CPD: variants seen among roughly 807,000 people sequenced by gnomAD.
CPD encodes carboxypeptidase D.
CPD carries 69 observed loss-of-function variants against 138.3 expected under a neutral mutation model. The observed-to-expected ratio is 0.50, with a 90% confidence interval of 0.41 to 0.61. The LOEUF is 0.61. Ranked by LOEUF, CPD falls within the 20% of genes least tolerant of loss-of-function variation. CPD has a pLI of 0.00. For synonymous variants in CPD, 651 were observed against 642.1 expected (o/e 1.01, Z -0.21); for missense variants, 1,432 against 1,733.3 (o/e 0.83, Z 3.09).
chr17:30,404,334 T>TTA (rs1911750753), intron 2 of CPD, among the ~76,000 whole-genome samples: 1 of 152,198 alleles, frequency 6.6e-6, no homozygotes, highest in Non-Finnish European at 1.5e-5. Flanking sequence ...TAAGAACCTC[T>TTA]GTATGCTTCA....
Position 30,379,470 on chromosome 17 carries a change from G to A in CPD, c.490G>A (p.Asp164Asn). The A allele has an allele frequency of 6.4e-7, 1 of 1,573,722 alleles. No homozygotes were observed. The highest frequency in any genetic ancestry group is 1.1e-5 in the South Asian group (1 of 87,814). The part of the protein sequence containing the change: ...RELAAGYRRG[D>N]PRLVRLLNTT... ...GCTGGCGGCCGGCTACCGCCGCGGG[G>A]ACCCGCGCCTGGTCCGCCTGCTCAA... Residue 164 changes from aspartate to asparagine, a missense_variant, in exon 1 of 21, where the codon GAC becomes AAC. By Grantham distance (23) the Asp-to-Asn change is conservative. Around this residue, in one of 6 missense-constraint regions of CPD, gnomAD observed 484 missense variants for 477.2 expected, o/e 1.01. Transcript: ENST00000225719. This position sits in a 1 kb window ranked among gnomAD's most constrained non-coding sequence, Gnocchi z 7.0.
chr17:30,413,011 G>A (rs565083282), intron 2 of CPD, among the ~76,000 whole-genome samples: 120 of 152,180 alleles, frequency 7.9e-4, no homozygotes, highest in Non-Finnish European at 1.4e-3. Flanking sequence ...GTTCCTATTC[G>A]GCCATCTTGG....
In CPD at chr17:30,464,801, C is replaced by T. The variant is rs1208833468; in HGVS notation, c.4130C>T (p.Ser1377Phe). Reference sequence around the variant, plus strand: ...GACACTGAAGAGGAAACATTATATTCTAGCAAACATTGAAAAACACATTTT... The same window carrying T: ...GACACTGAAGAGGAAACATTATATTTTAGCAAACATTGAAAAACACATTTT... ...ETDTEEETLYSSKH is the reference protein window; with the variant it reads ...ETDTEEETLYFSKH The change falls in exon 21 of 21, where the codon TCT (serine) becomes TTT (phenylalanine). Residue 1377 changes from serine (S) to phenylalanine (F), a missense_variant. Ser to Phe is a radical substitution (Grantham distance 155). This residue lies in a region of CPD where 366 missense variants were observed against 518.8 expected (regional missense o/e 0.71). Coordinates refer to ENST00000225719, the MANE Select transcript of CPD (RefSeq NM_001304.5). 3.1e-6 allele frequency: 5 copies of T among 1,613,356 alleles called. No individual in the cohort carries two copies. The highest frequency in any genetic ancestry group is 3.4e-6 in the Non-Finnish European group (4 of 1,179,576).
intron 4 of CPD, 124 bp from the exon 5 acceptor site, chr17:30,422,546 CTTTA>C (rs751061032): frequency 1.6e-5 from 10 of 612,864 alleles, no homozygotes; most frequent in Admixed American, 1.0e-4. Flanking sequence ...ACACATCTCT[CTTTA>C]TTTAGTTTGA....
chr17:30,425,581 G>A (rs1912382245), intron 6 of CPD, among the ~76,000 whole-genome samples: 1 of 151,120 alleles, frequency 6.6e-6, no homozygotes, highest in Non-Finnish European at 1.5e-5. Flanking sequence ...GCTTTAACCT[G>A]GGAGGTGGAG....
chr17:30,431,781 TG>T lies in CPD; in HGVS notation c.2029del (p.Val677LeufsTer27). 6.2e-7 allele frequency: 1 copy of T among 1,608,964 alleles called. No individual in the cohort carries two copies. The highest frequency in any genetic ancestry group is 8.5e-7 in the Non-Finnish European group (1 of 1,176,212). On this transcript the variant is annotated frameshift_variant, in exon 8 of 21. Transcript: ENST00000225719. LOFTEE classifies it high-confidence loss of function. ...CTCTTTTCCCTTATAGGTTCTTTGGTGGTTAACTACCCTTTTGATGATGATG... is the reference window on the plus strand; with the variant it reads ...CTCTTTTCCCTTATAGGTTCTTTGGTGTTAACTACCCTTTTGATGATGATG... ...LSANLHGGSL[V>X]VNYPFDDDEQ...
At chr17:30,421,360 C>A (rs1021690035) in intron 3 of CPD, among the ~76,000 whole-genome samples, 2 of 152,036 alleles carry the variant, frequency 1.3e-5, no homozygotes, top group African/African-American at 4.8e-5. Flanking sequence ...TAAACATCAC[C>A]CAGACTAATA....
In CPD at chr17:30,443,507, G is replaced by C. The variant is rs1912935569; in HGVS notation, c.2374-295G>C. 3.3e-5 allele frequency among the ~76,000 whole-genome samples: 5 copies of C among 152,000 alleles called. No individual in the cohort carries two copies. In the South Asian group the frequency reaches 1.0e-3, roughly 32 times the overall value. ...TTTTTAAAAAATGCCATTTCCTTTT[G>C]AAAAGGCCAGGTCTGTTTTCTTGTA... On this transcript the variant is annotated intron_variant, in intron 10 of 20. Coordinates refer to ENST00000225719, the MANE Select transcript of CPD (RefSeq NM_001304.5).
intron 2 of CPD, among the ~76,000 whole-genome samples, chr17:30,392,761 C>T (rs1314596401): frequency 6.6e-6 from 1 of 152,170 alleles, no homozygotes; most frequent in African/African-American, 2.4e-5. Flanking sequence ...TTGGGTTTTT[C>T]CTCCCAACTT....
intron 17 of CPD, among the ~76,000 whole-genome samples, chr17:30,458,245 A>C (rs993453788): frequency 6.6e-6 from 1 of 152,156 alleles, no homozygotes; most frequent in Non-Finnish European, 1.5e-5. Flanking sequence ...TGTATTCTAG[A>C]TAGGAAATTC....
chr17:30,412,836 A>C (rs1356969766), intron 2 of CPD, among the ~76,000 whole-genome samples: 1 of 152,102 alleles, frequency 6.6e-6, no homozygotes, highest in Non-Finnish European at 1.5e-5. Context: ...TGCACTTCCC[A>C]GTTGAGGTGA....
rs1477151965 is a variant in CPD at position 30,421,776 on chromosome 17, G to A, written c.1250G>A (p.Gly417Asp). 1 of 1,613,808 alleles carries A rather than the reference G, an allele frequency of 6.2e-7. No individual in the cohort carries two copies. Among genetic ancestry groups the A allele is most frequent in the Non-Finnish European group, 8.5e-7 (1 of 1,179,798 alleles). ...INHNITTGRFGDFYRLLVPGT... is the reference protein window; with the variant it reads ...INHNITTGRFDDFYRLLVPGT... ...CATAATATCACAACAGGCAGATTTG[G>A]TGATTTCTACCGATTACTTGTTCCT... Residue 417 changes from glycine to aspartate, a missense_variant, in exon 4 of 21, where the codon GGT (glycine) becomes GAT (aspartate). Gly to Asp is a moderately conservative substitution (Grantham distance 94). This residue lies in a region of CPD where 160 missense variants were observed against 197.9 expected (regional missense o/e 0.81). Coordinates refer to ENST00000225719, the MANE Select transcript of CPD (RefSeq NM_001304.5).
At chr17:30,463,968 G>A (rs1913561466) in intron 20 of CPD, among the ~76,000 whole-genome samples, 2 of 152,144 alleles carry the variant, frequency 1.3e-5, no homozygotes, top group Admixed American at 1.3e-4. Context: ...AGGAGATTTG[G>A]ATGAAATGAA....
chr17:30,436,715 T>A (rs1488281356), intron 8 of CPD, among the ~76,000 whole-genome samples: 1 of 152,190 alleles, frequency 6.6e-6, no homozygotes, highest in Non-Finnish European at 1.5e-5. Context: ...TGGCAGTGCT[T>A]TAAAACATTA....
intron 17 of CPD, among the ~76,000 whole-genome samples, chr17:30,458,111 T>G (rs1362514398): frequency 6.6e-6 from 1 of 152,058 alleles, no homozygotes; most frequent in East Asian, 1.9e-4. Context: ...GGAGAATCGC[T>G]TGAACTTGGG....
In CPD at chr17:30,421,562, G is replaced by A. The variant is rs928997251; in HGVS notation, c.1138-102G>A. The A allele has an allele frequency of 1.7e-5, 16 of 952,658 alleles. No individual in the cohort carries two copies. The Middle Eastern group carries it at 6.4e-4, about 38-fold the overall frequency. The allele number at this position is 952,658 out of a possible 1,614,324, so 59.0% of individuals were successfully genotyped here. A position where few individuals can be genotyped will look rare whatever the true frequency, so the allele number is the denominator to read the frequency against. On this transcript the variant is annotated intron_variant, in intron 3 of 20. Transcript: ENST00000225719. ...AAAATGTTTTGGGGGAGAGAGAAGA[G>A]TCACTTTATTTTTTAGAAATTCTAG...
At chr17:30,423,094 A>G (rs1383326787) in intron 5 of CPD, 71 bp downstream of exon 5, 1 of 1,195,092 alleles carries the variant, frequency 8.4e-7, no homozygotes, top group African/African-American at 1.5e-5. Context: ...GCTATGTTTC[A>G]TTCAGAAAGG....
intron 13 of CPD, 26 bp downstream of exon 13, chr17:30,449,774 GCTTTAAA>G: frequency 6.6e-7 from 1 of 1,524,866 alleles, no homozygotes; most frequent in East Asian, 2.4e-5. Context: ...AGGTTGACAT[GCTTTAAA>G]AGGAAAAAGC....
At chr17:30,407,786 A>C (rs1409247791) in intron 2 of CPD, among the ~76,000 whole-genome samples, 1 of 152,052 alleles carries the variant, frequency 6.6e-6, no homozygotes, top group Non-Finnish European at 1.5e-5. Flanking sequence ...CTCTGATGGT[A>C]GTTTCTTTTG....
Sources: gnomAD v4.1 joint callset for allele counts (sites outside exome capture counted in the v4.1 genomes callset) on GRCh38, gnomAD v4.1.1 for gene constraint, gnomAD v4.1.1 regional missense constraint, Gnocchi (gnomAD v3.1) non-coding constraint, MANE v1.5 for transcripts, NCBI Gene and HGNC (gene_info 2026-07-23, HGNC 2026-07-21) for gene names.